Variants in PCDH7 observed in about 807,000 individuals in gnomAD.
The protein encoded by PCDH7 is protocadherin 7.
Under a neutral mutation model 58.9 loss-of-function variants are expected in PCDH7, and 17 were observed. That is an observed-to-expected ratio of 0.29 (90% CI 0.20 to 0.43). The LOEUF (loss-of-function observed/expected upper bound fraction) is 0.43. Among genes scored for constraint, PCDH7 ranks in the 20% least tolerant of loss-of-function variants. The pLI is 1.00. For missense variants in PCDH7, 1,274 were observed against 1,441.0 expected, an observed-to-expected ratio of 0.88 and a Z score of 1.88; for synonymous variants, 664 against 616.4, an observed-to-expected ratio of 1.08 and a Z score of -1.14.
intron 1 of PCDH7, among the ~76,000 whole-genome samples, chr4:30,918,839 G>A (rs944301023): frequency 2.6e-5 from 4 of 151,992 alleles, no homozygotes; most frequent in Admixed American, 6.6e-5. Flanking sequence ...ACAAAATAAA[G>A]GGTAATTTTA....
At chr4:30,824,089 TTC>T (rs1481594214) in intron 1 of PCDH7, among the ~76,000 whole-genome samples, 1 of 53,406 alleles carries the variant, frequency 1.9e-5, no homozygotes, top group Non-Finnish European at 3.6e-5. Context: ...TTTTCTTTCT[TTC>T]TTTCTTTCTT....
At chr4:31,023,251 C>T (rs929145099) in intron 3 of PCDH7, among the ~76,000 whole-genome samples, 3 of 152,154 alleles carry the variant, frequency 2.0e-5, no homozygotes, top group African/African-American at 4.8e-5. Flanking sequence ...ACACCAGAAT[C>T]GCAGTTTGCA....
At chr4:30,889,526 T>C (rs2109381627) in intron 1 of PCDH7, among the ~76,000 whole-genome samples, 1 of 152,278 alleles carries the variant, frequency 6.6e-6, no homozygotes, top group East Asian at 1.9e-4. Flanking sequence ...TACAAAATCT[T>C]CTATGTGGTC....
Position 30,849,928 on chromosome 4 carries a change from C to T in PCDH7, c.71-70225C>T, listed in dbSNP as rs188888511. ...AATTCTTCTCTTGAAAGATGAAATTCTGTCAGGACCCCAATCTTTGTTTAT... is the reference window on the plus strand; with the variant it reads ...AATTCTTCTCTTGAAAGATGAAATTTTGTCAGGACCCCAATCTTTGTTTAT... On this transcript the variant is annotated intron_variant, in intron 1 of 3. Transcript: ENST00000509759. Among the ~76,000 whole-genome samples the T allele has an allele frequency of 3.5e-3, 527 of 152,226 alleles. 1 individual carries two copies. Among genetic ancestry groups the T allele is most frequent in the Non-Finnish European group, 3.7e-3 (255 of 68,012 alleles).
chr4:30,739,755 G>T (rs189227476), intron 1 of PCDH7, among the ~76,000 whole-genome samples: 2 of 152,052 alleles, frequency 1.3e-5, no homozygotes, highest in Admixed American at 6.6e-5. Context: ...GAGGTAATGC[G>T]GTTGACATTT....
intron 1 of PCDH7, among the ~76,000 whole-genome samples, chr4:30,751,439 T>TAA (rs1388567123): frequency 1.3e-5 from 2 of 152,188 alleles, no homozygotes; most frequent in African/African-American, 4.8e-5. Context: ...TTCCCAAGTA[T>TAA]AAGCATTCCT....
At chr4:31,066,381 A>C (rs571576672) in intron 3 of PCDH7, among the ~76,000 whole-genome samples, 13 of 151,980 alleles carry the variant, frequency 8.6e-5, no homozygotes, top group Admixed American at 8.5e-4. Flanking sequence ...CCCCTCCTTC[A>C]AAAAAAGACT....
intron 3 of PCDH7, among the ~76,000 whole-genome samples, chr4:30,975,845 T>C (rs1750020227): frequency 6.6e-6 from 1 of 152,196 alleles, no homozygotes; most frequent in African/African-American, 2.4e-5. Flanking sequence ...CAAATAAGAA[T>C]GTCAGGCTTC....
At chr4:31,012,530 G>A (rs1172761196) in intron 3 of PCDH7, among the ~76,000 whole-genome samples, 1 of 150,396 alleles carries the variant, frequency 6.6e-6, no homozygotes, top group African/African-American at 2.4e-5. Context: ...TTGTACCAAT[G>A]AGGCATAAAA....
intron 1 of PCDH7, among the ~76,000 whole-genome samples, chr4:30,798,531 CATATT>C (rs1725095753): frequency 6.6e-6 from 1 of 152,116 alleles, no homozygotes; most frequent in Non-Finnish European, 1.5e-5. Flanking sequence ...AAAAGAGAAA[CATATT>C]AATGCATGGT....
At chr4:31,092,912 C>A (rs1389710632) in intron 3 of PCDH7, among the ~76,000 whole-genome samples, 2 of 152,036 alleles carry the variant, frequency 1.3e-5, no homozygotes, top group Non-Finnish European at 2.9e-5. Flanking sequence ...TGGTCCAGTT[C>A]TAGTACACAA....
chr4:30,999,639 A>G (rs1411354761), intron 3 of PCDH7, among the ~76,000 whole-genome samples: 1 of 152,180 alleles, frequency 6.6e-6, no homozygotes, highest in Non-Finnish European at 1.5e-5. Flanking sequence ...ACACGGGACC[A>G]AACGATACAT....
At chr4:30,849,218 A>T (rs1732391265) in intron 1 of PCDH7, among the ~76,000 whole-genome samples, 1 of 152,238 alleles carries the variant, frequency 6.6e-6, no homozygotes, top group South Asian at 2.1e-4. Context: ...GCTTGTGTGT[A>T]AGAGAACACT....
chr4:30,846,660 A>G (rs1264476556), intron 1 of PCDH7, among the ~76,000 whole-genome samples: 1 of 152,196 alleles, frequency 6.6e-6, no homozygotes, highest in Non-Finnish European at 1.5e-5. Flanking sequence ...TGTGAGGATC[A>G]AAAGTATTTC....
intron 3 of PCDH7, among the ~76,000 whole-genome samples, chr4:31,117,905 T>C (rs1717197305): frequency 6.6e-6 from 1 of 152,176 alleles, no homozygotes; most frequent in African/African-American, 2.4e-5. Flanking sequence ...ATTGACAGGC[T>C]CAATCAGAAA....
chr4:31,110,687 G>GCTTTA (rs1375930188), intron 3 of PCDH7, among the ~76,000 whole-genome samples: 34 of 152,010 alleles, frequency 2.2e-4, no homozygotes, highest in African/African-American at 8.2e-4. Flanking sequence ...AGGCCGAGTC[G>GCTTTA]GGTGGATCAC....
chr4:31,016,396 CTT>C (rs35635325), intron 3 of PCDH7, among the ~76,000 whole-genome samples: 37 of 127,918 alleles, frequency 2.9e-4, no homozygotes, highest in South Asian at 2.5e-4. Context: ...AAAGACAGAT[CTT>C]TTTTTTTTTT....
At chr4:31,113,507 T>C (rs1371750298) in intron 3 of PCDH7, among the ~76,000 whole-genome samples, 1 of 152,188 alleles carries the variant, frequency 6.6e-6, no homozygotes, top group Non-Finnish European at 1.5e-5. Flanking sequence ...TATATTATCA[T>C]TTTTAATTTC....
chr4:31,020,818 GC>G (rs1753965389), intron 3 of PCDH7, among the ~76,000 whole-genome samples: 1 of 152,096 alleles, frequency 6.6e-6, no homozygotes, highest in Non-Finnish European at 1.5e-5. Flanking sequence ...GTAATGCAGG[GC>G]TGTATATATT....
Sources: allele counts gnomAD v4.1 joint callset (sites outside exome capture counted in the v4.1 genomes callset), GRCh38; gene constraint gnomAD v4.1.1; transcripts MANE v1.5; gene names NCBI Gene and HGNC (gene_info 2026-07-23, HGNC 2026-07-21).